SYTL2: variants seen among roughly 807,000 people sequenced by gnomAD.
The protein encoded by SYTL2 is synaptotagmin-like protein 2.
A neutral mutation model predicts 198.7 loss-of-function variants in SYTL2; 165 were observed. That is an observed-to-expected ratio of 0.83 (90% CI 0.73 to 0.94). The LOEUF is 0.94. SYTL2 is among the 40% of genes least tolerant of loss of function. The pLI is 0.00. For missense variants in SYTL2, 2,835 were observed against 2,582.8 expected (o/e 1.10, Z -2.12); for synonymous variants, 966 against 917.7 (o/e 1.05, Z -0.95).
At chr11:85,785,748 T>C (rs1310400571) in intron 1 of SYTL2, among the ~76,000 whole-genome samples, 2 of 152,152 alleles carry the variant, frequency 1.3e-5, no homozygotes, top group African/African-American at 2.4e-5. Context: ...TTAAGATGTA[T>C]GAAGCCTGAG....
chr11:85,836,310 C>A, the SYTL2 span, among the ~76,000 whole-genome samples: 6 of 151,852 alleles, frequency 4.0e-5, no homozygotes, highest in African/African-American at 1.2e-4. Context: ...TTCCAATTCT[C>A]TGTCTTTTTG....
intron 2 of SYTL2, among the ~76,000 whole-genome samples, chr11:85,749,347 C>T (rs913149918): frequency 1.3e-5 from 2 of 152,178 alleles, no homozygotes; most frequent in Admixed American, 6.5e-5. Flanking sequence ...AGATAATGTG[C>T]TAACATAAAT....
rs376050611 is a variant in SYTL2, at chr11:85,724,055, G to A, written c.5303C>T (p.Ala1768Val). 2.4e-5 allele frequency: 36 copies of A among 1,529,368 alleles called. No individual in the cohort carries two copies. Among genetic ancestry groups the A allele is most frequent in the Admixed American group, 4.7e-5 (2 of 42,534 alleles). 94.7% of individuals were successfully genotyped at this position (1,529,368 alleles called of 1,614,324 possible). A position where few individuals can be genotyped will look rare whatever the true frequency, so the allele number is the denominator to read the frequency against. ...DFSDGNTSSN[A>V]ESWRNPSSSE... ...ACTGGAAGGATTTCTCCAGCTCTCT[G>A]CATTAGAACTGGTGTTTCCATCTGA... The change falls in exon 8 of 20, where the codon GCA becomes GTA. Residue 1768 changes from alanine (A) to valine (V), a missense_variant. Ala to Val is a moderately conservative substitution (Grantham distance 64). Coordinates refer to ENST00000359152, the MANE Select transcript of SYTL2 (RefSeq NM_206927.4).
In SYTL2 at chr11:85,786,004, G is replaced by A. The variant is rs189449287; in HGVS notation, c.-390+24950C>T. On this transcript the variant is annotated intron_variant, in intron 1 of 19. Coordinates refer to ENST00000359152, the MANE Select transcript of SYTL2 (RefSeq NM_206927.4). ...TAGCCAAAAATTAGAAATAACCCCA[G>A]TGCTCTTCAACAGGTGAATGGTTAA... Among the ~76,000 whole-genome samples, 148 of 152,242 alleles carry A rather than the reference G, an allele frequency of 9.7e-4. 1 individual carries two copies. The highest frequency in any genetic ancestry group is 3.4e-3 in the African/African-American group (141 of 41,522).
the SYTL2 span, among the ~76,000 whole-genome samples, chr11:85,830,312 T>C: frequency 1.3e-5 from 2 of 152,208 alleles, no homozygotes; most frequent in African/African-American, 4.8e-5. Context: ...CTGAGTTGAC[T>C]AGCCAATTGT....
chr11:85,837,082 T>C, the SYTL2 span, among the ~76,000 whole-genome samples: 10 of 152,234 alleles, frequency 6.6e-5, no homozygotes, highest in Admixed American at 1.3e-4. Context: ...GCAATCAATA[T>C]GCATCCTTTT....
At chr11:85,708,775 G>A (rs987552411) in intron 14 of SYTL2, among the ~76,000 whole-genome samples, 14 of 150,384 alleles carry the variant, frequency 9.3e-5, no homozygotes. Flanking sequence ...GTAAAATGAA[G>A]GAACTGAACA....
intron 1 of SYTL2, among the ~76,000 whole-genome samples, chr11:85,774,875 G>A (rs1001773387): frequency 1.8e-4 from 28 of 152,128 alleles, no homozygotes; most frequent in African/African-American, 6.8e-4. Flanking sequence ...TTGAAGATCT[G>A]GGTTCTGGTC....
chr11:85,838,589 G>A, the SYTL2 span, among the ~76,000 whole-genome samples: 1 of 152,142 alleles, frequency 6.6e-6, no homozygotes, highest in East Asian at 1.9e-4. Flanking sequence ...CACGGTGAAA[G>A]CAGGAACAAG....
intron 4 of SYTL2, among the ~76,000 whole-genome samples, chr11:85,744,784 A>C (rs955756509): frequency 6.6e-6 from 1 of 152,180 alleles, no homozygotes; most frequent in African/African-American, 2.4e-5. Flanking sequence ...CTACAGGTAA[A>C]AGGCAACTGC....
At chr11:85,760,032 G>A (rs1171341210) in intron 1 of SYTL2, among the ~76,000 whole-genome samples, 1 of 152,210 alleles carries the variant, frequency 6.6e-6, no homozygotes, top group Non-Finnish European at 1.5e-5. Flanking sequence ...CTTGGCCTGT[G>A]ACTCGCTTTG....
At chr11:85,696,946 A>G (rs2083495265) in intron 18 of SYTL2, among the ~76,000 whole-genome samples, 1 of 152,126 alleles carries the variant, frequency 6.6e-6, no homozygotes, top group Admixed American at 6.5e-5. Context: ...TTTTTTTACA[A>G]TCACTTACAT....
the SYTL2 span, chr11:85,854,275 A>G: frequency 1.3e-5 from 2 of 149,888 alleles, no homozygotes; most frequent in African/African-American, 4.9e-5. Context: ...GAATAAATGA[A>G]TATTTCCACT....
the SYTL2 span, among the ~76,000 whole-genome samples, chr11:85,846,962 G>A: frequency 6.6e-6 from 1 of 152,130 alleles, no homozygotes; most frequent in African/African-American, 2.4e-5. Flanking sequence ...TCAAACTCCT[G>A]ACCTCAGGTG....
At chr11:85,767,099 T>A (rs1352676399) in intron 1 of SYTL2, among the ~76,000 whole-genome samples, 1 of 152,190 alleles carries the variant, frequency 6.6e-6, no homozygotes, top group Non-Finnish European at 1.5e-5. Context: ...TAAACACGCA[T>A]ATTTGTATAT....
the SYTL2 span, among the ~76,000 whole-genome samples, chr11:85,849,354 A>G: frequency 6.6e-6 from 1 of 152,226 alleles, no homozygotes; most frequent in Admixed American, 6.5e-5. Flanking sequence ...TTTGGACATG[A>G]AGTCCTTGCC....
At chr11:85,780,554 C>T (rs557134387) in intron 1 of SYTL2, among the ~76,000 whole-genome samples, 1 of 152,190 alleles carries the variant, frequency 6.6e-6, no homozygotes, top group Non-Finnish European at 1.5e-5. Flanking sequence ...AACGAAGCTG[C>T]CATAAAATCC....
intron 1 of SYTL2, among the ~76,000 whole-genome samples, chr11:85,789,513 G>C (rs1172821839): frequency 6.7e-6 from 1 of 149,488 alleles, no homozygotes; most frequent in Middle Eastern, 3.2e-3. Context: ...GGGATTACAT[G>C]TATCTTCCAC....
At position 85,727,840 on chromosome 11, in the gene SYTL2, T is replaced by C. The variant is rs778707418; in HGVS notation, c.1518A>G (p.Pro506=). 11 of 1,611,740 alleles carry C rather than the reference T, an allele frequency of 6.8e-6. No individual in the cohort carries two copies. The African/African-American group carries it at 8.0e-5, about 12-fold the overall frequency. ...TTGACTTCTTTATCTCAGTGGCATA[T>C]GGACCAGAACGTGAAGATGTCTTAG... is the stretch of plus-strand genomic sequence containing the variant. ...LKAKTSSRSG[P]YATEIKKSTD... is the part of the protein sequence containing the mutation. The change falls in exon 8 of 20, where the codon CCA becomes CCG. Residue 506 remains proline (P), a synonymous_variant. Coordinates refer to ENST00000359152, the MANE Select transcript of SYTL2 (RefSeq NM_206927.4).
Sources: allele counts gnomAD v4.1 joint callset (sites outside exome capture counted in the v4.1 genomes callset), GRCh38; gene constraint gnomAD v4.1.1; transcripts MANE v1.5; gene names NCBI Gene and HGNC (gene_info 2026-07-23, HGNC 2026-07-21).